Variants in ZNF154 observed in about 807,000 individuals in gnomAD.
ZNF154 encodes the protein zinc finger protein 154 (pHZ-92).
In ZNF154, 6 loss-of-function variants were observed where a neutral mutation model predicts 7.5. The observed-to-expected ratio is 0.80, with a 90% CI of 0.44 to 1.57. The LOEUF (loss-of-function observed/expected upper bound fraction) is 1.57. ZNF154 is among the 40% of genes most tolerant of loss of function. The pLI, the probability that ZNF154 is intolerant of heterozygous loss-of-function variation, is 0.01. For synonymous variants in ZNF154, 187 were observed against 185.9 expected (o/e 1.01, Z -0.05); for missense variants, 485 against 531.4 (o/e 0.91, Z 0.86).
chr19:57,701,894 G>C lies in ZNF154; in HGVS notation c.1055C>G (p.Thr352Ser), dbSNP rs376150960. ...SALLQHRGVH[T>S]GERPYECSEC... ...ACTGCACTCATAAGGCCTCTCCCCA[G>C]TGTGAACTCCCCGATGTTGAAGGAG... Residue 352 changes from threonine to serine, a missense_variant, in exon 3 of 3, where the codon ACT becomes AGT. Transcript: ENST00000684351. 6.2e-7 allele frequency: 1 copy of C among 1,613,900 alleles called. No individual in the cohort carries two copies. The highest frequency in any genetic ancestry group is 2.2e-5 in the East Asian group (1 of 44,860).
At position 57,701,781 on chromosome 19, in the gene ZNF154, A is replaced by T; in HGVS notation, c.1168T>A (p.Cys390Ser). ...GAATTTTGAGTAAAGGATTTCCCAC[A>T]TTCACTGCACTCATAGGGTCTTGAT... ...TGSRPYECSE[C>S]GKSFTQNSGL... Residue 390 changes from cysteine (C) to serine (S), a missense_variant, in exon 3 of 3, where the codon TGT becomes AGT. By Grantham distance (112) the Cys-to-Ser change is moderately radical. Transcript: ENST00000684351. 1 of 1,614,160 alleles carries T rather than the reference A, an allele frequency of 6.2e-7. No individual in the cohort carries two copies. Among genetic ancestry groups the T allele is most frequent in the Non-Finnish European group, 8.5e-7 (1 of 1,180,030 alleles).
intron 1 of ZNF154, among the ~76,000 whole-genome samples, chr19:57,706,833 C>A (rs12975627): frequency 6.6e-6 from 1 of 152,118 alleles, no homozygotes; most frequent in African/African-American, 2.4e-5. Flanking sequence ...CCTTGTAGGC[C>A]GGATGCGGTG....
chr19:57,707,501 C>T (rs1357426658), intron 1 of ZNF154, among the ~76,000 whole-genome samples: 2 of 152,156 alleles, frequency 1.3e-5, no homozygotes, highest in South Asian at 2.1e-4. Context: ...GGTCCATTAC[C>T]CTGGACTGGC....
At position 57,702,217 on chromosome 19, in the gene ZNF154, T is replaced by C; in HGVS notation, c.732A>G (p.Pro244=). ...KHRRVHTGER[P]YECSECGKSF... ...ATTTCCCACATTCACTGCACTCATA[T>C]GGCCTTTCCCCAGTGTGAACTCTCC... Residue 244 remains proline, a synonymous_variant, in exon 3 of 3, where the codon CCA becomes CCG. Coordinates refer to ENST00000684351, the MANE Select transcript of ZNF154 (RefSeq NM_001085384.3). 1.2e-6 allele frequency: 2 copies of C among 1,612,058 alleles called. No homozygotes were observed. Among genetic ancestry groups the C allele is most frequent in the Admixed American group, 1.7e-5 (1 of 59,870 alleles).
chr19:57,701,626 A>G lies in ZNF154; in HGVS notation c.*9T>C, dbSNP rs1362973083. ...AACAGATTTTCCACATTTGCCACTC[A>G]TAAGGCTTTTATCGACTATGAATTC... On this transcript the variant is annotated 3_prime_UTR_variant, in exon 3 of 3. Coordinates refer to ENST00000684351, the MANE Select transcript of ZNF154 (RefSeq NM_001085384.3). 66 of 1,607,610 alleles carry G rather than the reference A, an allele frequency of 4.1e-5. No individual in the cohort carries two copies. Among genetic ancestry groups the G allele is most frequent in the Non-Finnish European group, 5.6e-5 (66 of 1,175,208 alleles).
chr19:57,702,421 G>C lies in ZNF154; in HGVS notation c.528C>G (p.Leu176=), dbSNP rs771206222. ...CAGTGTGAAGTCTCCAATGGTCATT[G>C]AGACTGTAGCTTTTGCTAAAGGATT... is the stretch of plus-strand genomic sequence containing the variant. The part of the protein sequence containing the change: ...CGKSFSKSYS[L]NDHWRLHTGE... The change falls in exon 3 of 3, where the codon CTC becomes CTG. Residue 176 remains leucine (L), a synonymous_variant. Transcript: ENST00000684351. The C allele has an allele frequency of 4.3e-6, 7 of 1,614,094 alleles. No individual in the cohort carries two copies. Among genetic ancestry groups the C allele is most frequent in the Non-Finnish European group, 4.2e-6 (5 of 1,179,928 alleles).
Position 57,701,667 on chromosome 19 carries a change from G to T in ZNF154, c.1282C>A (p.Leu428Ile). 1 of 1,613,626 alleles carries T rather than the reference G, an allele frequency of 6.2e-7. No homozygotes were observed. Among genetic ancestry groups the T allele is most frequent in the Non-Finnish European group, 8.5e-7 (1 of 1,179,514 alleles). Residue 428 changes from leucine to isoleucine, a missense_variant, in exon 3 of 3, where the codon CTT becomes ATT. Physicochemically the swap from Leu to Ile is conservative, Grantham distance 5. Coordinates refer to ENST00000684351, the MANE Select transcript of ZNF154 (RefSeq NM_001085384.3). Reference sequence around the variant, plus strand: ...CTATGAATTCTCTGATGTTTAATAAGGCTGGAGTTATGGCTAAAGGATTTC... The same window carrying T: ...CTATGAATTCTCTGATGTTTAATAATGCTGGAGTTATGGCTAAAGGATTTC... The part of the protein sequence containing the change: ...CGKSFSHNSS[L>I]IKHQRIHSR
At position 57,698,742 on chromosome 19, in the gene ZNF154, C is replaced by T. The variant is rs1036824721; in HGVS notation, c.*2893G>A. The T allele has an allele frequency of 6.6e-6, 1 of 152,114 alleles. No individual in the cohort carries two copies. Among genetic ancestry groups the T allele is most frequent in the African/African-American group, 2.4e-5 (1 of 41,404 alleles). The allele number at this position is 152,114 out of a possible 1,614,324, so 9.4% of individuals were successfully genotyped here. On this transcript the variant is annotated 3_prime_UTR_variant, in exon 3 of 3. Transcript: ENST00000684351. ...CGCTTTATGTTTTTTTGCTGACTTA[C>T]TACTTGCTGTTTATGTTTATTTTAG...
rs1984941255 is a variant in ZNF154, at chr19:57,697,432, A to T, written c.*4203T>A. ...TCAAGAAATAAGAAAACAAAGGTAA[A>T]TGGAACCTGTAGGTTACAGACTTAT... On this transcript the variant is annotated 3_prime_UTR_variant, in exon 3 of 3. Coordinates refer to ENST00000684351, the MANE Select transcript of ZNF154 (RefSeq NM_001085384.3). 1 of 152,224 alleles carries T rather than the reference A, an allele frequency of 6.6e-6. No homozygotes were observed. Among genetic ancestry groups the T allele is most frequent in the African/African-American group, 2.4e-5 (1 of 41,462 alleles). 9.4% of individuals were successfully genotyped at this position (152,224 alleles called of 1,614,324 possible).
intron 2 of ZNF154, among the ~76,000 whole-genome samples, chr19:57,704,401 A>G (rs949687136): frequency 6.6e-6 from 1 of 152,192 alleles, no homozygotes; most frequent in Non-Finnish European, 1.5e-5. Context: ...CACAAATACT[A>G]CAAAGAAAAT....
chr19:57,704,945 A>T lies in ZNF154; in HGVS notation c.68T>A (p.Phe23Tyr), dbSNP rs776352772. 1.2e-6 allele frequency: 2 copies of T among 1,613,618 alleles called. No individual in the cohort carries two copies. The highest frequency in any genetic ancestry group is 1.7e-6 in the Non-Finnish European group (2 of 1,179,878). ...TVTFEDVAVHFSWEEWGLLDE... is the reference protein window; with the variant it reads ...TVTFEDVAVHYSWEEWGLLDE... ...AAGGAGACCCCATTCCTCCCAGGAGAAGTGTACGGCCACATCTTCAAAGGT... is the reference window on the plus strand; with the variant it reads ...AAGGAGACCCCATTCCTCCCAGGAGTAGTGTACGGCCACATCTTCAAAGGT... The change falls in exon 2 of 3, where the codon TTC becomes TAC. Residue 23 changes from phenylalanine (F) to tyrosine (Y), a missense_variant. Transcript: ENST00000684351.
Position 57,709,098 on chromosome 19 carries a change from C to G in ZNF154, c.-127G>C. On this transcript the variant is annotated 5_prime_UTR_variant, in exon 1 of 3. Coordinates refer to ENST00000684351, the MANE Select transcript of ZNF154 (RefSeq NM_001085384.3). ...GGCGTCGCCAAGGCTTAGACGCTTT[C>G]GTGCAGGAGGGACGACGACTCCCCT... 2 of 1,320,612 alleles carry G rather than the reference C, an allele frequency of 1.5e-6. No homozygotes were observed. The highest frequency in any genetic ancestry group is 2.1e-6 in the Non-Finnish European group (2 of 948,910). The allele number at this position is 1,320,612 out of a possible 1,614,324, so 81.8% of individuals were successfully genotyped here. A position where few individuals can be genotyped will look rare whatever the true frequency, so the allele number is the denominator to read the frequency against.
chr19:57,702,879 TGTCTCTCAAGACCAGGCTACAC>T lies in ZNF154; in HGVS notation c.161-113_161-92del, dbSNP rs1207403202. 4 of 1,300,594 alleles carry T rather than the reference TGTCTCTCAAGACCAGGCTACAC, an allele frequency of 3.1e-6. No individual in the cohort carries two copies. The African/African-American group carries it at 5.9e-5, about 19-fold the overall frequency. 80.6% of individuals were successfully genotyped at this position (1,300,594 alleles called of 1,614,324 possible). On this transcript the variant is annotated intron_variant, in intron 2 of 2. Transcript: ENST00000684351. ...CCCTAGGGCCCAGCCAAGAGCAAAA[TGTCTCTCAAGACCAGGCTACAC>T]GTCTCACAGTGGTGGGCCTTCTAGG...
At chr19:57,708,870 G>T (rs1985509888) in intron 1 of ZNF154, 69 bp downstream of exon 1, 4 of 1,532,670 alleles carry the variant, frequency 2.6e-6, no homozygotes, top group Non-Finnish European at 3.5e-6. Flanking sequence ...TCGAGCAGGC[G>T]CCCCTCACTG....
intron 1 of ZNF154, among the ~76,000 whole-genome samples, chr19:57,707,128 A>AAAAAAAAAAAAAAAAAAAAAC (rs1985426783): frequency 6.7e-6 from 1 of 148,424 alleles, no homozygotes; most frequent in African/African-American, 2.5e-5. Flanking sequence ...AAAAAAAAAA[A>AAAAAAAAAAAAAAAAAAAAAC]AAATAGAACA....
Position 57,698,898 on chromosome 19 carries a change from A to C in ZNF154, c.*2737T>G, listed in dbSNP as rs1230592814. On this transcript the variant is annotated 3_prime_UTR_variant, in exon 3 of 3. Transcript: ENST00000684351. ...AACCTCCACCTCCCGGGGTTCAAAC[A>C]ATTCTCGTGCCTCAGGCTCCCCAGT... is the stretch of plus-strand genomic sequence containing the variant. 6.6e-6 allele frequency: 1 copy of C among 152,064 alleles called. No individual in the cohort carries two copies. The highest frequency in any genetic ancestry group is 1.5e-5 in the Non-Finnish European group (1 of 68,040). The allele number at this position is 152,064 out of a possible 1,614,324, so 9.4% of individuals were successfully genotyped here. A position where few individuals can be genotyped will look rare whatever the true frequency, so the allele number is the denominator to read the frequency against.
rs61738878 is a variant in ZNF154 at position 57,702,466 on chromosome 19, G to A, written c.483C>T (p.Tyr161=). ...QQRTLTTERC[Y]ICSECGKSFS... ...AGGATTTCCCACATTCACTGCATAT[G>A]TAACATCTTTCTGTAGTGAGGGTTC... Residue 161 remains tyrosine, a synonymous_variant, in exon 3 of 3, where the codon TAC becomes TAT. Transcript: ENST00000684351. 6.6e-4 allele frequency: 1,059 copies of A among 1,614,248 alleles called. 5 individuals are homozygous for A. In the African/African-American group the frequency reaches 0.011, roughly 17 times the overall value.
rs1220506992 is a variant in ZNF154 at position 57,702,794 on chromosome 19, A to G, written c.161-6T>C. On this transcript the variant is annotated splice_region_variant and splice_polypyrimidine_tract_variant and intron_variant, in intron 2 of 2. Transcript: ENST00000684351. ...CTGCTTCTGATGATGAACATCTGCA[A>G]TGAAATACAATTATTTCCCACATGC... The G allele has an allele frequency of 5.0e-6, 8 of 1,593,534 alleles. No individual in the cohort carries two copies. Among genetic ancestry groups the G allele is most frequent in the South Asian group, 2.2e-5 (2 of 90,236 alleles).
rs913130882 is a variant in ZNF154 at position 57,708,948 on chromosome 19, C to T, written c.24G>A (p.Thr8=). The T allele has an allele frequency of 7.0e-6, 11 of 1,561,192 alleles. No individual in the cohort carries two copies. In the Admixed American group the frequency reaches 7.6e-5, roughly 11 times the overall value. Residue 8 remains threonine (T), a synonymous_variant, in exon 1 of 3, where the codon ACG becomes ACA. Coordinates refer to ENST00000684351, the MANE Select transcript of ZNF154 (RefSeq NM_001085384.3). The part of the protein sequence containing the change: MAAATLR[T]PTQGTVTFED... ...AAGACGCCGCACTCACCTGAGTTGG[C>T]GTCCTCAGAGTGGCCGCTGCCATCA...
Sources: gnomAD v4.1 joint callset for allele counts (sites outside exome capture counted in the v4.1 genomes callset) on GRCh38, gnomAD v4.1.1 for gene constraint, MANE v1.5 for transcripts, NCBI Gene and HGNC (gene_info 2026-07-23, HGNC 2026-07-21) for gene names.